Variants in TMEM255B observed in about 807,000 individuals in gnomAD.
TMEM255B encodes the protein family with sequence similarity 70, member B.
In TMEM255B, 35 loss-of-function variants were observed where a neutral mutation model predicts 34.5. The ratio of observed to expected loss-of-function variants is 1.01; its 90% CI spans 0.77 to 1.34. TMEM255B has a LOEUF of 1.34. Among genes scored for constraint, TMEM255B ranks in the 40% most tolerant of loss-of-function variants. TMEM255B has a pLI of 0.00. For synonymous variants in TMEM255B, 206 were observed against 201.2 expected, an observed-to-expected ratio of 1.02 and a Z score of -0.20; for missense variants, 432 against 433.2, an observed-to-expected ratio of 1.00 and a Z score of 0.02.
chr13:113,761,719 C>A (rs907007151), intron 1 of TMEM255B, among the ~76,000 whole-genome samples: 1 of 152,214 alleles, frequency 6.6e-6, no homozygotes, highest in East Asian at 1.9e-4. Flanking sequence ...CGTATCGTGT[C>A]TCACTGGACG....
Position 113,766,100 on chromosome 13 carries a change from C to A in TMEM255B, c.47-15C>A, listed in dbSNP as rs148848459. ...CTGAGCCCTCACTGACAGGTCCTCG[C>A]CTTCCTCCCCACAGAAGGGCTTTCG... On this transcript the variant is annotated splice_polypyrimidine_tract_variant and intron_variant, in intron 1 of 8. Coordinates refer to ENST00000375353, the MANE Select transcript of TMEM255B (RefSeq NM_182614.4). 1.2e-6 allele frequency: 2 copies of A among 1,613,760 alleles called. No individual in the cohort carries two copies. Among genetic ancestry groups the A allele is most frequent in the East Asian group, 4.5e-5 (2 of 44,872 alleles).
chr13:113,796,304 A>G (rs1170845618), intron 4 of TMEM255B, among the ~76,000 whole-genome samples: 3 of 150,536 alleles, frequency 2.0e-5, no homozygotes, highest in Admixed American at 6.6e-5. Flanking sequence ...CACACCACAC[A>G]GAGTACACAC....
In TMEM255B at chr13:113,769,114, T is replaced by C. The variant is rs913764485; in HGVS notation, c.206T>C (p.Phe69Ser). ...YPGIILGFGS[F>S]LGIIGINLVE... ...TGGTTTTAGCTCGGCTTTGGATCTT[T>C]CTTAGGAATTATTGGCATCAACTTG... Residue 69 changes from phenylalanine (F) to serine (S), a missense_variant, in exon 3 of 9, where the codon TTC becomes TCC. Physicochemically the swap from Phe to Ser is radical, Grantham distance 155. Coordinates refer to ENST00000375353, the MANE Select transcript of TMEM255B (RefSeq NM_182614.4). This position sits in a 1 kb window ranked among gnomAD's most constrained non-coding sequence, Gnocchi z 4.2. The C allele has an allele frequency of 6.2e-7, 1 of 1,614,240 alleles. No homozygotes were observed. The highest frequency in any genetic ancestry group is 1.7e-5 in the Admixed American group (1 of 60,032).
chr13:113,765,493 C>G (rs2050374113), intron 1 of TMEM255B, among the ~76,000 whole-genome samples: 1 of 152,234 alleles, frequency 6.6e-6, no homozygotes, highest in Non-Finnish European at 1.5e-5. Flanking sequence ...TACACATGTG[C>G]ACACACACAA....
At chr13:113,761,952 A>G (rs973482009) in intron 1 of TMEM255B, among the ~76,000 whole-genome samples, 1 of 152,166 alleles carries the variant, frequency 6.6e-6, no homozygotes, top group African/African-American at 2.4e-5. Flanking sequence ...AGACCACACA[A>G]TGGGTCTGGA....
chr13:113,812,855 A>AGTCACAGGCCCCGGGTGAGTCACAGG lies in TMEM255B; in HGVS notation c.*952_*953insGTCACAGGCCCCGGGTGAGTCACAGG. On this transcript the variant is annotated 3_prime_UTR_variant, in exon 9 of 9. Transcript: ENST00000375353. ...CACAGGTCCCGGGTGGGTCACAGGCATCCCGGGTGGGTCACAGGTCCCGAG... is the reference window on the plus strand; with the variant it reads ...CACAGGTCCCGGGTGGGTCACAGGCAGTCACAGGCCCCGGGTGAGTCACAGGTCCCGGGTGGGTCACAGGTCCCGAG... 1 of 88,756 alleles carries AGTCACAGGCCCCGGGTGAGTCACAGG rather than the reference A, an allele frequency of 1.1e-5. No individual in the cohort carries two copies. The highest frequency in any genetic ancestry group is 1.2e-4 in the Admixed American group (1 of 8,190). The allele number at this position is 88,756 out of a possible 1,614,324, so 5.5% of individuals were successfully genotyped here.
intron 5 of TMEM255B, chr13:113,800,040 C>T (rs2051014257): frequency 8.3e-7 from 1 of 1,210,984 alleles, no homozygotes; most frequent in Non-Finnish European, 1.1e-6. Context: ...GTCTGGGACT[C>T]TCCAGCAGCT....
chr13:113,775,685 T>C (rs904633804), intron 3 of TMEM255B, among the ~76,000 whole-genome samples: 1 of 151,932 alleles, frequency 6.6e-6, no homozygotes, highest in Non-Finnish European at 1.5e-5. Context: ...ACTGAGGGAG[T>C]GGAGCACAGG....
In TMEM255B at chr13:113,810,753, C is replaced by G. The variant is rs184797976; in HGVS notation, c.814-983C>G. ...CGTGTCCAGGGGCTGAGGCACTGTA[C>G]GCAAGGGTGTCAATCACACCTGAAG... On this transcript the variant is annotated intron_variant, in intron 8 of 8. Transcript: ENST00000375353. 7.2e-5 allele frequency among the ~76,000 whole-genome samples: 11 copies of G among 152,278 alleles called. No individual in the cohort carries two copies. The East Asian group carries it at 2.1e-3, about 29-fold the overall frequency.
At chr13:113,791,933 C>T (rs977418964) in intron 3 of TMEM255B, among the ~76,000 whole-genome samples, 2 of 152,190 alleles carry the variant, frequency 1.3e-5, no homozygotes, top group Admixed American at 6.5e-5. Flanking sequence ...AATGCTAGAG[C>T]GAGGCACGCA....
chr13:113,764,608 T>C (rs1379932332), intron 1 of TMEM255B, among the ~76,000 whole-genome samples: 2 of 152,204 alleles, frequency 1.3e-5, no homozygotes, highest in Non-Finnish European at 2.9e-5. Context: ...CAGCCCTGCT[T>C]AAGTTTTCTC....
chr13:113,777,062 G>A (rs141584837), intron 3 of TMEM255B, among the ~76,000 whole-genome samples: 151 of 152,116 alleles, frequency 9.9e-4, no homozygotes, highest in African/African-American at 3.6e-3. Flanking sequence ...CTGCTTGTTT[G>A]GAAAATCCAA....
chr13:113,771,383 T>C (rs2138528140), intron 3 of TMEM255B, among the ~76,000 whole-genome samples: 1 of 152,334 alleles, frequency 6.6e-6, no homozygotes, highest in South Asian at 2.1e-4. Flanking sequence ...TATGGCTGAA[T>C]AATAATCCAC....
intron 3 of TMEM255B, among the ~76,000 whole-genome samples, chr13:113,771,091 A>G (rs556254472): frequency 3.7e-4 from 56 of 152,340 alleles, no homozygotes; most frequent in Non-Finnish European, 6.9e-4. Context: ...GTGAACCATC[A>G]GCACAGCCAG....
chr13:113,769,465 CAAATT>C lies in TMEM255B; in HGVS notation c.252+313_252+317del, dbSNP rs2050443492. 3 of 359,562 alleles carry C rather than the reference CAAATT, an allele frequency of 8.3e-6. No homozygotes were observed. The highest frequency in any genetic ancestry group is 1.6e-5 in the Non-Finnish European group (3 of 191,684). The allele number at this position is 359,562 out of a possible 1,614,324, so 22.3% of individuals were successfully genotyped here. On this transcript the variant is annotated intron_variant, in intron 3 of 8. Coordinates refer to ENST00000375353, the MANE Select transcript of TMEM255B (RefSeq NM_182614.4). The surrounding 1 kb of genome is among the most constrained non-coding windows in gnomAD (Gnocchi z 4.2). ...TGCATGAAGTTTGGGACGGGGGTGG[CAAATT>C]AAATTAAGTCCTAGTGTGTAAAGTT...
intron 3 of TMEM255B, among the ~76,000 whole-genome samples, chr13:113,777,091 C>G (rs2050591623): frequency 6.6e-6 from 1 of 152,054 alleles, no homozygotes; most frequent in Non-Finnish European, 1.5e-5. Context: ...CTGGCTGTGT[C>G]CAAATATCTG....
At chr13:113,797,207 G>A (rs1305188695) in intron 4 of TMEM255B, among the ~76,000 whole-genome samples, 4 of 152,252 alleles carry the variant, frequency 2.6e-5, no homozygotes, top group African/African-American at 9.6e-5. Flanking sequence ...GAGCCTCTTG[G>A]TTAGAAACAA....
At chr13:113,777,829 C>T (rs1035006197) in intron 3 of TMEM255B, among the ~76,000 whole-genome samples, 3 of 152,254 alleles carry the variant, frequency 2.0e-5, no homozygotes, top group African/African-American at 7.2e-5. Context: ...TGGGTGGGTG[C>T]TGCAGCTCTG....
intron 3 of TMEM255B, among the ~76,000 whole-genome samples, chr13:113,786,578 A>G (rs2050748166): frequency 6.6e-6 from 1 of 151,668 alleles, no homozygotes; most frequent in Admixed American, 6.6e-5. Flanking sequence ...CATCACCATC[A>G]TCATCACCAT....
Sources: gnomAD v4.1 joint callset for allele counts (sites outside exome capture counted in the v4.1 genomes callset) on GRCh38, gnomAD v4.1.1 for gene constraint, Gnocchi (gnomAD v3.1) non-coding constraint, MANE v1.5 for transcripts, NCBI Gene and HGNC (gene_info 2026-07-23, HGNC 2026-07-21) for gene names.